The following METTL25B variants were observed in gnomAD, a reference collection of about 807,000 sequenced individuals.
METTL25B encodes methyltransferase-like protein 25B.
A neutral mutation model predicts 48.4 loss-of-function variants in METTL25B; 38 were observed. The observed-to-expected ratio is 0.78, with a 90% confidence interval of 0.61 to 1.03. The LOEUF (loss-of-function observed/expected upper bound fraction) is 1.03. Among genes scored for constraint, METTL25B ranks in the 50% least tolerant of loss-of-function variants. The pLI is 0.00. For synonymous variants in METTL25B, 230 were observed against 254.5 expected, an observed-to-expected ratio of 0.90 and a Z score of 0.92; for missense variants, 537 against 603.7, an observed-to-expected ratio of 0.89 and a Z score of 1.16.
chr1:156,736,789 G>C lies in METTL25B; in HGVS notation c.*36G>C. On this transcript the variant is annotated 3_prime_UTR_variant, in exon 8 of 8. Coordinates refer to ENST00000368216, the MANE Select transcript of METTL25B (RefSeq NM_015997.4). ...GGAAACATCTCAGACCCCATCATCT[G>C]AAAGTGCCCAGAGAGCACAGTGGCA... 1.9e-6 allele frequency: 3 copies of C among 1,596,628 alleles called. No individual in the cohort carries two copies. The South Asian group carries it at 3.3e-5, about 18-fold the overall frequency.
At chr1:156,732,507 G>T in intron 3 of METTL25B, 34 bp downstream of exon 3, 1 of 1,602,646 alleles carries the variant, frequency 6.2e-7, no homozygotes, top group Non-Finnish European at 8.5e-7. Context: ...GTGGTGTCTG[G>T]GAGCCCAGGG....
intron 6 of METTL25B, 80 bp from the exon 7 acceptor site, chr1:156,735,645 A>T: frequency 7.9e-7 from 1 of 1,260,858 alleles, no homozygotes; most frequent in Non-Finnish European, 1.1e-6. Flanking sequence ...GTTGGAACTG[A>T]ATTAGGAACA....
chr1:156,732,046 T>C lies in METTL25B; in HGVS notation c.167T>C (p.Leu56Ser), dbSNP rs1268138668. 1 of 1,614,168 alleles carries C rather than the reference T, an allele frequency of 6.2e-7. No homozygotes were observed. Among genetic ancestry groups the C allele is most frequent in the East Asian group, 2.2e-5 (1 of 44,882 alleles). ...DTLPCSWQEA[L>S]DGLKPPQLAT... ...CTCCCTTGCTCATGGCAGGAAGCATTGGATGGACTGAAACCACCACAGCTG... is the reference window on the plus strand; with the variant it reads ...CTCCCTTGCTCATGGCAGGAAGCATCGGATGGACTGAAACCACCACAGCTG... Residue 56 changes from leucine to serine, a missense_variant, in exon 2 of 8, where the codon TTG becomes TCG. Physicochemically the swap from Leu to Ser is moderately radical, Grantham distance 145. Transcript: ENST00000368216.
Position 156,736,661 on chromosome 1 carries a change from A to G in METTL25B, c.1336A>G (p.Ser446Gly), listed in dbSNP as rs1047250104. ...GFHAELLPIF[S>G]PELSPRNLVL... ...CCATGCTGAGCTCCTGCCCATCTTC[A>G]GTCCTGAACTCTCTCCCAGAAACCT... The change falls in exon 8 of 8, where the codon AGT becomes GGT. Residue 446 changes from serine to glycine, a missense_variant. Physicochemically the swap from Ser to Gly is moderately conservative, Grantham distance 56. Transcript: ENST00000368216. The G allele has an allele frequency of 6.2e-7, 1 of 1,613,916 alleles. No homozygotes were observed. Among genetic ancestry groups the G allele is most frequent in the Non-Finnish European group, 8.5e-7 (1 of 1,179,932 alleles).
intron 6 of METTL25B, among the ~76,000 whole-genome samples, chr1:156,735,091 C>G (rs1254306869): frequency 6.6e-6 from 1 of 151,626 alleles, no homozygotes; most frequent in Non-Finnish European, 1.5e-5. Context: ...GAGTTCGAGA[C>G]TAGCCTGGCC....
chr1:156,732,373 CAG>C lies in METTL25B; in HGVS notation c.331_332del (p.Glu111IlefsTer26). On this transcript the variant is annotated frameshift_variant, in exon 3 of 8. Coordinates refer to ENST00000368216, the MANE Select transcript of METTL25B (RefSeq NM_015997.4). LOFTEE classifies it high-confidence loss of function. ...CGGATGCCTGGCTTTCAGACCCCCT[CAG>C]AATTCCTGGAGAACCCCAGCCAGAG... 1 of 1,614,192 alleles carries C rather than the reference CAG, an allele frequency of 6.2e-7. No homozygotes were observed. Among genetic ancestry groups the C allele is most frequent in the Middle Eastern group, 1.6e-4 (1 of 6,062 alleles).
chr1:156,736,780 C>T lies in METTL25B; in HGVS notation c.*27C>T, dbSNP rs957963509. 1 of 1,601,542 alleles carries T rather than the reference C, an allele frequency of 6.2e-7. No individual in the cohort carries two copies. Among genetic ancestry groups the T allele is most frequent in the Non-Finnish European group, 8.5e-7 (1 of 1,177,440 alleles). On this transcript the variant is annotated 3_prime_UTR_variant, in exon 8 of 8. Transcript: ENST00000368216. ...GCAGCCTGAGGAAACATCTCAGACC[C>T]CATCATCTGAAAGTGCCCAGAGAGC...
In METTL25B at chr1:156,734,397, G is replaced by C; in HGVS notation, c.1025G>C (p.Arg342Pro). 6.2e-7 allele frequency: 1 copy of C among 1,613,260 alleles called. No homozygotes were observed. The highest frequency in any genetic ancestry group is 8.5e-7 in the Non-Finnish European group (1 of 1,179,638). The change falls in exon 6 of 8, where the codon CGT (arginine) becomes CCT (proline). Residue 342 changes from arginine to proline, a missense_variant. Coordinates refer to ENST00000368216, the MANE Select transcript of METTL25B (RefSeq NM_015997.4). ...CCTGGCCTTCGAACTCACTGCTACCGTGCAGCACTGGAGACAGTCATCCGA... is the reference window on the plus strand; with the variant it reads ...CCTGGCCTTCGAACTCACTGCTACCCTGCAGCACTGGAGACAGTCATCCGA... Reference protein sequence around the residue: ...AGPGLRTHCYRAALETVIRRA... With the variant: ...AGPGLRTHCYPAALETVIRRA...
intron 1 of METTL25B, among the ~76,000 whole-genome samples, chr1:156,730,290 C>G (rs558097306): frequency 6.6e-6 from 1 of 152,372 alleles, no homozygotes; most frequent in African/African-American, 2.4e-5. Context: ...ACACATTTCA[C>G]TGTGCTATAC....
At position 156,735,747 on chromosome 1, in the gene METTL25B, C is replaced by A; in HGVS notation, c.1144C>A (p.Arg382=). The A allele has an allele frequency of 2.5e-6, 4 of 1,610,440 alleles. No homozygotes were observed. Among genetic ancestry groups the A allele is most frequent in the Non-Finnish European group, 3.4e-6 (4 of 1,178,780 alleles). ...CAGATATGTGCAGCGGGGGCTACAG[C>A]GAGTGGGGCTAGATCCCCAGCTGCC... The part of the protein sequence containing the change: ...IEEYVQRGLQ[R]VGLDPQLPLN... The change falls in exon 7 of 8, where the codon CGA becomes AGA. Residue 382 remains arginine (R), a synonymous_variant. Transcript: ENST00000368216.
At chr1:156,732,795 C>T (rs1649409268) in intron 3 of METTL25B, among the ~76,000 whole-genome samples, 190 bp from the exon 4 acceptor site, 1 of 151,870 alleles carries the variant, frequency 6.6e-6, no homozygotes, top group Non-Finnish European at 1.5e-5. Flanking sequence ...GGGCCTGAAC[C>T]TGGGGTCAGG....
Position 156,736,651 on chromosome 1 carries a change from G to A in METTL25B, c.1326G>A (p.Leu442=), listed in dbSNP as rs142171344. ...TCCCAGGTTTCCATGCTGAGCTCCT[G>A]CCCATCTTCAGTCCTGAACTCTCTC... ...LQEQGFHAEL[L]PIFSPELSPR... Residue 442 remains leucine (L), a synonymous_variant, in exon 8 of 8, where the codon CTG becomes CTA. Transcript: ENST00000368216. 1.8e-4 allele frequency: 294 copies of A among 1,613,860 alleles called. No homozygotes were observed. Among genetic ancestry groups the A allele is most frequent in the Non-Finnish European group, 2.4e-4 (284 of 1,180,026 alleles).
chr1:156,736,653 C>G lies in METTL25B; in HGVS notation c.1328C>G (p.Pro443Arg). The change falls in exon 8 of 8, where the codon CCC becomes CGC. Residue 443 changes from proline (P) to arginine (R), a missense_variant. Pro to Arg is a moderately radical substitution (Grantham distance 103). Transcript: ENST00000368216. ...QEQGFHAELL[P>R]IFSPELSPRN... ...CCAGGTTTCCATGCTGAGCTCCTGCCCATCTTCAGTCCTGAACTCTCTCCC... is the reference window on the plus strand; with the variant it reads ...CCAGGTTTCCATGCTGAGCTCCTGCGCATCTTCAGTCCTGAACTCTCTCCC... 1 of 1,614,048 alleles carries G rather than the reference C, an allele frequency of 6.2e-7. No homozygotes were observed. Among genetic ancestry groups the G allele is most frequent in the East Asian group, 2.2e-5 (1 of 44,874 alleles).
In METTL25B at chr1:156,736,724, C is replaced by G. The variant is rs374747953; in HGVS notation, c.1399C>G (p.Leu467Val). 4.3e-6 allele frequency: 7 copies of G among 1,613,132 alleles called. No individual in the cohort carries two copies. Among genetic ancestry groups the G allele is most frequent in the South Asian group, 1.1e-5 (1 of 91,082 alleles). The change falls in exon 8 of 8, where the codon CTT (leucine) becomes GTT (valine). Residue 467 changes from leucine to valine, a missense_variant. Physicochemically the swap from Leu to Val is conservative, Grantham distance 32 (BLOSUM62 1). Coordinates refer to ENST00000368216, the MANE Select transcript of METTL25B (RefSeq NM_015997.4). ...CACCAAGATGCCCCTGGGTCAGGCT[C>G]TTTCTGTTCTGGAGACTGAAGACAG... is the stretch of plus-strand genomic sequence containing the variant. ...VATKMPLGQALSVLETEDS is the reference protein window; with the variant it reads ...VATKMPLGQAVSVLETEDS
At chr1:156,729,274 C>T in intron 1 of METTL25B, 59 bp downstream of exon 1, 1 of 948,894 alleles carries the variant, frequency 1.1e-6, no homozygotes, top group Non-Finnish European at 1.7e-6. Flanking sequence ...TAGGTGCCCA[C>T]GTCAGGGAGA....
chr1:156,736,889 CTCCT>C lies in METTL25B; in HGVS notation c.*140_*143del, dbSNP rs150264626. ...GTTCCTTCAGTTTCATCCCCTTTCT[CTCCT>C]TCCATGGATTATGTAATACATTGTA... On this transcript the variant is annotated 3_prime_UTR_variant, in exon 8 of 8. Transcript: ENST00000368216. The C allele has an allele frequency of 1.7e-3, 1,315 of 773,378 alleles. 10 individuals are homozygous for C. The African/African-American group carries it at 0.021, about 12-fold the overall frequency. 47.9% of individuals were successfully genotyped at this position (773,378 alleles called of 1,614,324 possible). A position where few individuals can be genotyped will look rare whatever the true frequency, so the allele number is the denominator to read the frequency against.
At chr1:156,735,649 A>G (rs1227018546) in intron 6 of METTL25B, 76 bp from the exon 7 acceptor site, 160 of 1,293,016 alleles carry the variant, frequency 1.2e-4, no homozygotes, top group Middle Eastern at 2.0e-4. Context: ...GAACTGAATT[A>G]GGAACAAGCA....
chr1:156,733,137 G>A, intron 4 of METTL25B, 90 bp downstream of exon 4: 1 of 1,335,948 alleles, frequency 7.5e-7, no homozygotes, highest in Non-Finnish European at 1.0e-6. Context: ...GCCCAGCGAG[G>A]CAGGTGTCAA....
intron 1 of METTL25B, 135 bp downstream of exon 1, chr1:156,729,350 GGGGT>G (rs1288446854): frequency 4.8e-6 from 3 of 620,112 alleles, no homozygotes; most frequent in Non-Finnish European, 8.4e-6. Context: ...TGTACAAGAA[GGGGT>G]TAAAACTGGA....
Sources: gnomAD v4.1 joint callset for allele counts (sites outside exome capture counted in the v4.1 genomes callset) on GRCh38, gnomAD v4.1.1 for gene constraint, MANE v1.5 for transcripts, NCBI Gene and HGNC (gene_info 2026-07-23, HGNC 2026-07-21) for gene names.